The following KDM7A variants were observed in gnomAD, a reference collection of about 807,000 sequenced individuals.
The protein encoded by KDM7A is lysine-specific demethylase 7A.
In KDM7A, 28 loss-of-function variants were observed where a neutral mutation model predicts 114.8. The ratio of observed to expected loss-of-function variants is 0.24; its 90% CI spans 0.18 to 0.33. The LOEUF (loss-of-function observed/expected upper bound fraction) is 0.33, where lower values mean the gene tolerates loss of function less well. KDM7A is among the 10% of genes least tolerant of loss of function. The probability of loss-of-function intolerance (pLI) is 1.00; values close to 1 mark genes in which losing one functional copy is unlikely to be tolerated. For synonymous variants in KDM7A, 423 were observed against 397.8 expected, an observed-to-expected ratio of 1.06 and a Z score of -0.75; for missense variants, 942 against 1,142.5, an observed-to-expected ratio of 0.82 and a Z score of 2.53.
At position 140,102,111 on chromosome 7, in the gene KDM7A, G is replaced by A; in HGVS notation, c.1478C>T (p.Pro493Leu). 1 of 1,613,954 alleles carries A rather than the reference G, an allele frequency of 6.2e-7. No individual in the cohort carries two copies. The highest frequency in any genetic ancestry group is 1.1e-5 in the South Asian group (1 of 91,076). The change falls in exon 12 of 20, where the codon CCA (proline) becomes CTA (leucine). Residue 493 changes from proline (P) to leucine (L), a missense_variant. Transcript: ENST00000397560. ...TGCTTCATTTGAGGATCGTGAAACT[G>A]GACACACAATAGGAATTCCCTGAGA... is the stretch of plus-strand genomic sequence containing the variant. ...VKSQGIPIVC[P>L]VSRSSNEATS...
At chr7:140,104,340 C>T (rs1251997049) in intron 11 of KDM7A, among the ~76,000 whole-genome samples, 1 of 152,116 alleles carries the variant, frequency 6.6e-6, no homozygotes, top group Non-Finnish European at 1.5e-5. Flanking sequence ...TTTGGCTTTT[C>T]TTACCATTGC....
chr7:140,166,480 C>T (rs1794577920), intron 1 of KDM7A, among the ~76,000 whole-genome samples: 2 of 151,752 alleles, frequency 1.3e-5, no homozygotes. Context: ...GCTGGGAATA[C>T]AGGCACTCCC....
intron 3 of KDM7A, among the ~76,000 whole-genome samples, chr7:140,131,562 C>G (rs567438202): frequency 6.6e-6 from 1 of 152,292 alleles, no homozygotes; most frequent in African/African-American, 2.4e-5. Flanking sequence ...GAGTCCTTTC[C>G]TAGATAATCT....
At chr7:140,141,173 C>T (rs1051291858) in intron 1 of KDM7A, among the ~76,000 whole-genome samples, 2 of 152,060 alleles carry the variant, frequency 1.3e-5, no homozygotes, top group Non-Finnish European at 2.9e-5. Context: ...ATATACACCA[C>T]GACCATGGGT....
intron 1 of KDM7A, among the ~76,000 whole-genome samples, chr7:140,161,535 C>CGTTTTTTT (rs1481719584): frequency 6.6e-6 from 1 of 151,520 alleles, no homozygotes; most frequent in African/African-American, 2.4e-5. Flanking sequence ...TTTGTTTTTT[C>CGTTTTTTT]GTTTTTTTGT....
chr7:140,146,352 A>T (rs915256231), intron 1 of KDM7A, among the ~76,000 whole-genome samples: 2 of 152,234 alleles, frequency 1.3e-5, no homozygotes, highest in Non-Finnish European at 2.9e-5. Flanking sequence ...AGAGGGAGGC[A>T]TAACTTCTCC....
chr7:140,124,822 G>A (rs1465289590), intron 6 of KDM7A, 39 bp from the exon 7 acceptor site: 1 of 1,339,106 alleles, frequency 7.5e-7, no homozygotes, highest in South Asian at 1.3e-5. Context: ...AAAAGCAAAA[G>A]CCATACTTAG....
intron 1 of KDM7A, among the ~76,000 whole-genome samples, chr7:140,175,174 T>C (rs905132826): frequency 3.9e-5 from 6 of 152,238 alleles, no homozygotes; most frequent in South Asian, 2.1e-4. Flanking sequence ...CTGTGTCTTG[T>C]TTTCTGTTGT....
chr7:140,113,722 T>G, intron 9 of KDM7A, 140 bp from the exon 10 acceptor site: 1 of 479,712 alleles, frequency 2.1e-6, no homozygotes, highest in Non-Finnish European at 3.7e-6. Context: ...AAGTGAAATA[T>G]GAAACAATTC....
chr7:140,087,539 TAACTTA>T lies in KDM7A; in HGVS notation c.*3549_*3554del, dbSNP rs1213834927. Reference sequence around the variant, plus strand: ...ATAAAGGTGCATTAATTGCCAGTTTTAACTTAATGATAAGTTCTCTGTATGTATGAA... The same window carrying T: ...ATAAAGGTGCATTAATTGCCAGTTTTATGATAAGTTCTCTGTATGTATGAA... On this transcript the variant is annotated 3_prime_UTR_variant, in exon 20 of 20. Coordinates refer to ENST00000397560, the MANE Select transcript of KDM7A (RefSeq NM_030647.2). The T allele has an allele frequency of 6.6e-6, 1 of 152,242 alleles. No homozygotes were observed. Among genetic ancestry groups the T allele is most frequent in the African/African-American group, 2.4e-5 (1 of 41,478 alleles). 9.4% of individuals were successfully genotyped at this position (152,242 alleles called of 1,614,324 possible).
rs1248514789 is a variant in KDM7A, at chr7:140,087,851, G to GT, written c.*3242dup. The GT allele has an allele frequency of 5.3e-5, 8 of 152,144 alleles. No homozygotes were observed. The highest frequency in any genetic ancestry group is 1.9e-4 in the African/African-American group (8 of 41,426). 9.4% of individuals were successfully genotyped at this position (152,144 alleles called of 1,614,324 possible). The stretch of plus-strand genomic sequence containing the variant: ...CAGTTGAAACTAAAAAAGTCAGCAT[G>GT]TTTTTTAATGAACAGGTCCTCTTTT... On this transcript the variant is annotated 3_prime_UTR_variant, in exon 20 of 20. Transcript: ENST00000397560.
chr7:140,100,001 T>A lies in KDM7A; in HGVS notation c.1661A>T (p.Asn554Ile). Residue 554 changes from asparagine to isoleucine, a missense_variant, in exon 13 of 20, where the codon AAT becomes ATT. Around this residue, in one of 4 missense-constraint regions of KDM7A, gnomAD observed 512 missense variants for 576.6 expected, o/e 0.89. Transcript: ENST00000397560. ...TTGGAGATGTTTGTTGAATTTTCCA[T>A]TCAGTTTAGAGCTCAAGATGTCCTG... Reference protein sequence around the residue: ...WEEDILSSKLNGKFNKHLQPS... With the variant: ...WEEDILSSKLIGKFNKHLQPS... 1 of 1,614,154 alleles carries A rather than the reference T, an allele frequency of 6.2e-7. No individual in the cohort carries two copies. The highest frequency in any genetic ancestry group is 8.5e-7 in the Non-Finnish European group (1 of 1,179,946).
At chr7:140,151,818 T>C (rs1264819152) in intron 1 of KDM7A, among the ~76,000 whole-genome samples, 1 of 152,200 alleles carries the variant, frequency 6.6e-6, no homozygotes, top group Admixed American at 6.5e-5. Flanking sequence ...AATAAGCATC[T>C]GAAACTCTCC....
intron 1 of KDM7A, among the ~76,000 whole-genome samples, chr7:140,143,779 T>C (rs1794311174): frequency 6.6e-6 from 1 of 152,170 alleles, no homozygotes; most frequent in Non-Finnish European, 1.5e-5. Context: ...TAACATGACA[T>C]TGCTGCTTGA....
intron 17 of KDM7A, among the ~76,000 whole-genome samples, chr7:140,094,978 G>C (rs1818081332): frequency 6.6e-6 from 1 of 152,198 alleles, no homozygotes; most frequent in African/African-American, 2.4e-5. Flanking sequence ...CTCCCAAGTA[G>C]CTAGGATTAC....
At chr7:140,105,691 A>G (rs933627449) in intron 11 of KDM7A, among the ~76,000 whole-genome samples, 3 of 152,228 alleles carry the variant, frequency 2.0e-5, no homozygotes, top group Admixed American at 1.3e-4. Flanking sequence ...TTGGTTTGCC[A>G]GTATTTTACT....
In KDM7A at chr7:140,126,748, T is replaced by C. The variant is rs745532004; in HGVS notation, c.777A>G (p.Ser259=). The change falls in exon 6 of 20, where the codon TCA becomes TCG. Residue 259 remains serine, a synonymous_variant. Coordinates refer to ENST00000397560, the MANE Select transcript of KDM7A (RefSeq NM_030647.2). ...TCTGAACAAATGGCTTGGGAAAGAC[T>C]GAATCATCTGGCCAATAATTTTCCA... ...SWVENYWPDD[S]VFPKPFVQKY... 11 of 1,613,918 alleles carry C rather than the reference T, an allele frequency of 6.8e-6. No individual in the cohort carries two copies. Among genetic ancestry groups the C allele is most frequent in the Admixed American group, 3.3e-5 (2 of 60,004 alleles).
intron 7 of KDM7A, among the ~76,000 whole-genome samples, chr7:140,121,721 T>A (rs908838188): frequency 2.0e-5 from 3 of 152,188 alleles, no homozygotes; most frequent in African/African-American, 7.2e-5. Flanking sequence ...ACTGCCAAAT[T>A]TTCCTGCGCA....
At chr7:140,170,995 C>G (rs1456505013) in intron 1 of KDM7A, among the ~76,000 whole-genome samples, 4 of 152,034 alleles carry the variant, frequency 2.6e-5, no homozygotes, top group African/African-American at 9.7e-5. Flanking sequence ...GAGGCTGAAA[C>G]AGGAGGATTG....
Sources: gnomAD v4.1 joint callset for allele counts (sites outside exome capture counted in the v4.1 genomes callset) on GRCh38, gnomAD v4.1.1 for gene constraint, gnomAD v4.1.1 regional missense constraint, MANE v1.5 for transcripts, NCBI Gene and HGNC (gene_info 2026-07-23, HGNC 2026-07-21) for gene names.